Variants in ABCD3 observed in about 807,000 individuals in gnomAD.
ABCD3 encodes the protein ATP binding cassette subfamily D member 3.
A neutral mutation model predicts 105.5 loss-of-function variants in ABCD3; 41 were observed. That is an observed-to-expected ratio of 0.39 (90% CI 0.30 to 0.50). ABCD3 has a LOEUF of 0.50. Ranked by LOEUF, ABCD3 falls within the 20% of genes least tolerant of loss-of-function variation. ABCD3 has a pLI of 0.84. For synonymous variants in ABCD3, 258 were observed against 269.0 expected, an observed-to-expected ratio of 0.96 and a Z score of 0.40; for missense variants, 622 against 806.3, an observed-to-expected ratio of 0.77 and a Z score of 2.77.
chr1:94,404,677 AT>A, the ABCD3 span, among the ~76,000 whole-genome samples: 2,798 of 151,982 alleles, frequency 0.018, 91 homozygotes, highest in African/African-American at 0.062. Context: ...CACAAATTTC[AT>A]TGTTATCTGA....
chr1:94,459,123 T>A (rs1647741371), intron 2 of ABCD3, among the ~76,000 whole-genome samples: 1 of 151,310 alleles, frequency 6.6e-6, no homozygotes, highest in Admixed American at 6.6e-5. Flanking sequence ...CATAGCTCAC[T>A]GTAACCTTGA....
chr1:94,501,909 C>A (rs1650118842), intron 20 of ABCD3, among the ~76,000 whole-genome samples: 1 of 151,634 alleles, frequency 6.6e-6, no homozygotes, highest in Non-Finnish European at 1.5e-5. Flanking sequence ...GCAACTATCC[C>A]CCTTTCTCAA....
the ABCD3 span, among the ~76,000 whole-genome samples, chr1:94,398,340 T>C: frequency 6.6e-6 from 1 of 152,192 alleles, no homozygotes; most frequent in Non-Finnish European, 1.5e-5. Flanking sequence ...ACAATTTATT[T>C]ACTTCTGTGT....
At chr1:94,516,925 G>C (rs1557696113) in intron 22 of ABCD3, 127 bp from the exon 23 acceptor site, 4 of 751,982 alleles carry the variant, frequency 5.3e-6, no homozygotes, top group East Asian at 5.2e-5. Context: ...GAAGCATTCT[G>C]ATTTGTGGGA....
the ABCD3 span, among the ~76,000 whole-genome samples, chr1:94,407,893 G>A: frequency 1.1e-4 from 17 of 152,320 alleles, no homozygotes; most frequent in East Asian, 2.3e-3. Context: ...CAGGGAATTC[G>A]AATTTCAGAG....
intron 1 of ABCD3, among the ~76,000 whole-genome samples, chr1:94,432,332 T>A (rs552992337): frequency 6.6e-6 from 1 of 152,294 alleles, no homozygotes; most frequent in South Asian, 2.1e-4. Flanking sequence ...TACTGGAGCT[T>A]GACCTTAAGA....
intron 1 of ABCD3, 31 bp from the exon 2 acceptor site, chr1:94,458,576 A>G: frequency 1.3e-6 from 2 of 1,594,696 alleles, no homozygotes; most frequent in Non-Finnish European, 1.7e-6. Flanking sequence ...CACATAAAGT[A>G]AAGCTCTCTC....
the ABCD3 span, among the ~76,000 whole-genome samples, chr1:94,403,538 C>T: frequency 6.6e-6 from 1 of 152,210 alleles, no homozygotes; most frequent in African/African-American, 2.4e-5. Flanking sequence ...CCAGCTTGCA[C>T]TCCTCCCTTA....
At chr1:94,449,360 A>G (rs1044911250) in intron 1 of ABCD3, among the ~76,000 whole-genome samples, 2 of 152,230 alleles carry the variant, frequency 1.3e-5, no homozygotes, top group Admixed American at 6.5e-5. Flanking sequence ...AAGCAGGACA[A>G]CCAGTCACAA....
rs1659144872 is a variant in ABCD3 at position 94,419,027 on chromosome 1, TG to T, written c.110+443del. On this transcript the variant is annotated intron_variant, in intron 1 of 22. Transcript: ENST00000370214. ...GGGGACGTGGATGTGTGATTGAGGA[TG>T]GGGATTGGATTCGCCAGGCTGGAGG... 8.8e-5 allele frequency: 16 copies of T among 181,386 alleles called. 1 individual carries two copies. The South Asian group carries it at 1.6e-3, about 18-fold the overall frequency. The allele number at this position is 181,386 out of a possible 1,614,324, so 11.2% of individuals were successfully genotyped here.
chr1:94,449,196 T>C (rs1660471887), intron 1 of ABCD3, among the ~76,000 whole-genome samples: 1 of 152,190 alleles, frequency 6.6e-6, no homozygotes, highest in South Asian at 2.1e-4. Context: ...AGGAAGAGAT[T>C]CTGGGAGGAT....
At chr1:94,510,491 A>G (rs992521475) in intron 21 of ABCD3, among the ~76,000 whole-genome samples, 21 of 152,174 alleles carry the variant, frequency 1.4e-4, no homozygotes, top group African/African-American at 5.1e-4. Context: ...AGAGTTCTGT[A>G]GATGTCTATT....
rs565749696 is a variant in ABCD3, at chr1:94,464,849, G to A, written c.222G>A (p.Met74Ile). 1.2e-6 allele frequency: 2 copies of A among 1,613,510 alleles called. No individual in the cohort carries two copies. Among genetic ancestry groups the A allele is most frequent in the African/African-American group, 2.7e-5 (2 of 74,886 alleles). The part of the protein sequence containing the change: ...FSRLIQILKI[M>I]VPRTFCKETG... ...GGCTCATACAGATTCTGAAAATCAT[G>A]GTCCCTAGAACATTTTGTAAAGAGG... Residue 74 changes from methionine to isoleucine, a missense_variant, in exon 3 of 23, where the codon ATG becomes ATA. This residue lies in a region of ABCD3 where 245 missense variants were observed against 356.4 expected (regional missense o/e 0.69). Coordinates refer to ENST00000370214, the MANE Select transcript of ABCD3 (RefSeq NM_002858.4).
At chr1:94,450,746 A>G (rs1196300445) in intron 1 of ABCD3, among the ~76,000 whole-genome samples, 2 of 152,110 alleles carry the variant, frequency 1.3e-5, no homozygotes, top group Non-Finnish European at 2.9e-5. Flanking sequence ...TAATTCCTCT[A>G]GTGCCGCTGG....
intron 5 of ABCD3, among the ~76,000 whole-genome samples, chr1:94,474,070 A>G (rs1648614126): frequency 6.7e-6 from 1 of 148,978 alleles, no homozygotes; most frequent in East Asian, 2.0e-4. Context: ...ATACATATGT[A>G]TGTGGGTGAG....
At chr1:94,440,875 A>G (rs938928007) in intron 1 of ABCD3, among the ~76,000 whole-genome samples, 5 of 152,174 alleles carry the variant, frequency 3.3e-5, no homozygotes. Flanking sequence ...AAATAATCCC[A>G]TTTATCTCAA....
At chr1:94,407,392 C>T in the ABCD3 span, among the ~76,000 whole-genome samples, 3 of 152,034 alleles carry the variant, frequency 2.0e-5, no homozygotes, top group African/African-American at 7.2e-5. Flanking sequence ...TCAGGTGATC[C>T]GCCCGCCTCG....
At chr1:94,403,190 C>T in the ABCD3 span, among the ~76,000 whole-genome samples, 1 of 151,926 alleles carries the variant, frequency 6.6e-6, no homozygotes, top group Admixed American at 6.6e-5. Flanking sequence ...CAAAATGATC[C>T]TCGTCTTAGG....
At chr1:94,390,969 GC>G in the ABCD3 span, among the ~76,000 whole-genome samples, 6 of 152,150 alleles carry the variant, frequency 3.9e-5, no homozygotes, top group Non-Finnish European at 8.8e-5. Context: ...TCAATACAGA[GC>G]CACGTTCCTC....
Sources: allele counts gnomAD v4.1 joint callset (sites outside exome capture counted in the v4.1 genomes callset), GRCh38; gene constraint gnomAD v4.1.1; regional missense constraint gnomAD v4.1.1; transcripts MANE v1.5; gene names NCBI Gene and HGNC (gene_info 2026-07-23, HGNC 2026-07-21).